Variants in SPTBN4 observed in about 807,000 individuals in gnomAD.
SPTBN4 encodes the protein spectrin beta chain, non-erythrocytic 4.
Under a neutral mutation model 277.8 loss-of-function variants are expected in SPTBN4, and 96 were observed. The ratio of observed to expected loss-of-function variants is 0.35; its 90% CI spans 0.29 to 0.41. The LOEUF is 0.41. Ranked by LOEUF, SPTBN4 falls within the 10% of genes least tolerant of loss-of-function variation. The pLI is 1.00. For missense variants in SPTBN4, 3,006 were observed against 3,595.7 expected (o/e 0.84, Z 4.19); for synonymous variants, 1,481 against 1,580.3 (o/e 0.94, Z 1.49).
rs771137688 is a variant in SPTBN4 at position 40,502,824 on chromosome 19, G to A, written c.1253G>A (p.Arg418Gln). The change falls in exon 11 of 36, where the codon CGG (arginine) becomes CAG (glutamine). Residue 418 changes from arginine (R) to glutamine (Q), a missense_variant. Transcript: ENST00000598249. The surrounding 1 kb of genome is among the most constrained non-coding windows in gnomAD (Gnocchi z 4.9). ...KAEHEREAAL[R>Q]AELIRQEKLE... ...GAGCATGAGCGGGAGGCTGCCCTAC[G>A]GGCTGAGCTGATTCGGCAGGAGAAG... 1.2e-6 allele frequency: 2 copies of A among 1,613,806 alleles called. No individual in the cohort carries two copies. Among genetic ancestry groups the A allele is most frequent in the South Asian group, 1.1e-5 (1 of 91,082 alleles).
chr19:40,476,345 C>CAAAAA (rs60942038), intron 2 of SPTBN4, among the ~76,000 whole-genome samples: 2 of 115,568 alleles, frequency 1.7e-5, no homozygotes, highest in African/African-American at 3.1e-5. Context: ...AACTCTGTCT[C>CAAAAA]AAAAAAAAAA....
chr19:40,534,432 G>A (rs2080712648), intron 20 of SPTBN4, 89 bp downstream of exon 20: 4 of 1,461,256 alleles, frequency 2.7e-6, no homozygotes, highest in African/African-American at 1.4e-5. Context: ...GTCAAGTGGA[G>A]GGGATTTAAT....
intron 22 of SPTBN4, among the ~76,000 whole-genome samples, chr19:40,553,507 A>G (rs992800413): frequency 6.6e-6 from 1 of 152,186 alleles, no homozygotes; most frequent in Non-Finnish European, 1.5e-5. Context: ...TATTATCTTT[A>G]TCAGTTGAGT....
intron 2 of SPTBN4, among the ~76,000 whole-genome samples, chr19:40,483,216 C>G (rs1381246892): frequency 6.6e-6 from 1 of 152,002 alleles, no homozygotes; most frequent in Non-Finnish European, 1.5e-5. Context: ...ACCCAGTTGT[C>G]CTCATTCTGG....
At chr19:40,481,938 T>C (rs1024177768) in intron 2 of SPTBN4, among the ~76,000 whole-genome samples, 1 of 127,608 alleles carries the variant, frequency 7.8e-6, no homozygotes, top group Admixed American at 7.7e-5. Context: ...CATTCAAGTC[T>C]TTTTTTTTTT....
chr19:40,533,091 A>G (rs2080696624), intron 19 of SPTBN4, among the ~76,000 whole-genome samples: 1 of 152,024 alleles, frequency 6.6e-6, no homozygotes, highest in Non-Finnish European at 1.5e-5. Context: ...TTTAAGATGG[A>G]AGGTTGGGGA....
chr19:40,512,830 G>GCAGCGGGAA lies in SPTBN4; in HGVS notation c.2049_2057dup (p.Thr684_Gly686dup), dbSNP rs2080406809. 6 of 1,453,740 alleles carry GCAGCGGGAA rather than the reference G, an allele frequency of 4.1e-6. No homozygotes were observed. The South Asian group carries it at 7.0e-5, about 17-fold the overall frequency. 90.1% of individuals were successfully genotyped at this position (1,453,740 alleles called of 1,614,324 possible). On this transcript the variant is annotated inframe_insertion, in exon 14 of 36. Transcript: ENST00000598249. ...CGGCGGTGCGGCGGGCGCAGCGGGCGCAGCGGGAACAGCGGGCGGCGCGCA... is the reference window on the plus strand; with the variant it reads ...CGGCGGTGCGGCGGGCGCAGCGGGCGCAGCGGGAACAGCGGGAACAGCGGGCGGCGCGCA...
chr19:40,496,085 A>G (rs1182052511), intron 6 of SPTBN4, among the ~76,000 whole-genome samples: 3 of 152,210 alleles, frequency 2.0e-5, no homozygotes. Flanking sequence ...GCTTCCCACT[A>G]AAACATTCAA....
chr19:40,539,660 A>C (rs1305298642), intron 20 of SPTBN4, among the ~76,000 whole-genome samples: 2 of 151,430 alleles, frequency 1.3e-5, no homozygotes, highest in African/African-American at 4.9e-5. Flanking sequence ...TTGTATTTTT[A>C]GTAGAGACGG....
chr19:40,509,169 G>A (rs954434949), intron 13 of SPTBN4, among the ~76,000 whole-genome samples: 2 of 142,454 alleles, frequency 1.4e-5, no homozygotes, highest in Non-Finnish European at 3.0e-5. Context: ...CAATCCTCCC[G>A]CTTCCACCTC....
chr19:40,513,984 C>T (rs530966192), intron 14 of SPTBN4, among the ~76,000 whole-genome samples: 18 of 152,312 alleles, frequency 1.2e-4, no homozygotes, highest in Admixed American at 4.6e-4. Flanking sequence ...ACCTCCCTAG[C>T]TACTAAAATA....
intron 4 of SPTBN4, among the ~76,000 whole-genome samples, chr19:40,492,709 A>G (rs762013628): frequency 2.0e-5 from 3 of 152,140 alleles, no homozygotes; most frequent in East Asian, 1.9e-4. Context: ...GCCTTAGACC[A>G]GGAAAGTGGC....
At position 40,532,808 on chromosome 19, in the gene SPTBN4, G is replaced by C. The variant is rs1057037069; in HGVS notation, c.4095+37G>C. On this transcript the variant is annotated intron_variant, in intron 19 of 35. Coordinates refer to ENST00000598249, the MANE Select transcript of SPTBN4 (RefSeq NM_020971.3). Reference sequence around the variant, plus strand: ...GATGGCCCCTCTGCCTGTGCCAGGTGCAGGAGGCCTCCAGGGAGCCCACGT... The same window carrying C: ...GATGGCCCCTCTGCCTGTGCCAGGTCCAGGAGGCCTCCAGGGAGCCCACGT... 2.5e-6 allele frequency: 4 copies of C among 1,579,666 alleles called. No individual in the cohort carries two copies. In the Admixed American group the frequency reaches 5.3e-5, roughly 21 times the overall value.
chr19:40,522,891 G>A (rs1487092112), intron 16 of SPTBN4, among the ~76,000 whole-genome samples: 1 of 151,936 alleles, frequency 6.6e-6, no homozygotes, highest in African/African-American at 2.4e-5. Flanking sequence ...CAGCACTTCG[G>A]GAGTCCAAGG....
chr19:40,497,639 T>C (rs1461193208), intron 7 of SPTBN4, 35 bp downstream of exon 7: 4 of 1,567,654 alleles, frequency 2.6e-6, no homozygotes, highest in Admixed American at 3.3e-5. Flanking sequence ...AGACTTCGTC[T>C]TGGGGGACTC....
rs977115682 is a variant in SPTBN4 at position 40,513,462 on chromosome 19, C to A, written c.2673C>A (p.His891Gln). 6.2e-7 allele frequency: 1 copy of A among 1,603,158 alleles called. No individual in the cohort carries two copies. The highest frequency in any genetic ancestry group is 8.5e-7 in the Non-Finnish European group (1 of 1,178,918). The change falls in exon 14 of 36, where the codon CAC becomes CAA. Residue 891 changes from histidine (H) to glutamine (Q), a missense_variant. Coordinates refer to ENST00000598249, the MANE Select transcript of SPTBN4 (RefSeq NM_020971.3). Reference sequence around the variant, plus strand: ...TCTACCGCATGTTTGGCGAGGTGCACGCGTGTGAGCTGTGGATCGGCGAGA... The same window carrying A: ...TCTACCGCATGTTTGGCGAGGTGCAAGCGTGTGAGCTGTGGATCGGCGAGA... Reference protein sequence around the residue: ...LAVYRMFGEVHACELWIGEKE... With the variant: ...LAVYRMFGEVQACELWIGEKE...
At chr19:40,526,486 T>G (rs1317522515) in intron 17 of SPTBN4, among the ~76,000 whole-genome samples, 1 of 152,042 alleles carries the variant, frequency 6.6e-6, no homozygotes, top group Non-Finnish European at 1.5e-5. Flanking sequence ...GTGCTGTTCT[T>G]ATCTGCGTTT....
chr19:40,516,949 C>A (rs1599756434), intron 15 of SPTBN4, among the ~76,000 whole-genome samples: 1 of 152,198 alleles, frequency 6.6e-6, no homozygotes, highest in African/African-American at 2.4e-5. Flanking sequence ...AGATAAGTAA[C>A]AAACTAATAT....
intron 27 of SPTBN4, among the ~76,000 whole-genome samples, chr19:40,562,742 G>A (rs1433775657): frequency 6.6e-6 from 1 of 151,922 alleles, no homozygotes. Flanking sequence ...GCTGAGGCAG[G>A]AGAATTGCTT....
Sources: allele counts gnomAD v4.1 joint callset (sites outside exome capture counted in the v4.1 genomes callset), GRCh38; gene constraint gnomAD v4.1.1; non-coding constraint Gnocchi (gnomAD v3.1); transcripts MANE v1.5; gene names NCBI Gene and HGNC (gene_info 2026-07-23, HGNC 2026-07-21).